Variants in TTN observed in about 807,000 individuals in gnomAD.
TTN encodes titin, also known as connectin.
In TTN, 1,525 loss-of-function variants were observed where a neutral mutation model predicts 3,223.0. The ratio of observed to expected loss-of-function variants is 0.47; its 90% CI spans 0.45 to 0.49. The LOEUF is 0.49. TTN is among the 20% of genes least tolerant of loss of function. TTN has a pLI of 0.00. For synonymous variants in TTN, 14,094 were observed against 15,161.0 expected (o/e 0.93, Z 5.17); for missense variants, 40,786 against 43,424.0 (o/e 0.94, Z 5.40).
chr2:178,591,631 G>C lies in TTN; in HGVS notation c.60188C>G (p.Thr20063Arg), dbSNP rs1560220. ...TTCTTGACATTCTATCGGGATAGTTGTGTCAGGGAGACCAAGACCCACAAT... is the reference window on the plus strand; with the variant it reads ...TTCTTGACATTCTATCGGGATAGTTCTGTCAGGGAGACCAAGACCCACAAT... ...ENIVGLGLPD[T>R]TIPIECQEKL... The change falls in exon 303 of 363, where the codon ACA becomes AGA. Residue 20063 changes from threonine (T) to arginine (R), a missense_variant. Thr to Arg is a moderately conservative substitution (Grantham distance 71). Transcript: ENST00000589042. The C allele has an allele frequency of 3.1e-6, 5 of 1,613,386 alleles. No homozygotes were observed. The Admixed American group carries it at 8.3e-5, about 27-fold the overall frequency.
In TTN at chr2:178,556,844, T is replaced by C; in HGVS notation, c.88306+4A>G. On this transcript the variant is annotated splice_donor_region_variant and intron_variant, in intron 330 of 362. Coordinates refer to ENST00000589042, the MANE Select transcript of TTN (RefSeq NM_001267550.2). Reference sequence around the variant, plus strand: ...TTTTGATTCAAAGTGCTAAGCATGCTTACCATAAGAATCGATGCAAGTAAT... The same window carrying C: ...TTTTGATTCAAAGTGCTAAGCATGCCTACCATAAGAATCGATGCAAGTAAT... 6.2e-7 allele frequency: 1 copy of C among 1,613,108 alleles called. No homozygotes were observed. The highest frequency in any genetic ancestry group is 8.5e-7 in the Non-Finnish European group (1 of 1,179,750).
At chr2:178,748,804 T>G (rs2084463081) in intron 47 of TTN, 1 of 1,611,912 alleles carries the variant, frequency 6.2e-7, no homozygotes, top group Admixed American at 1.7e-5. Flanking sequence ...AAAGCAGCTT[T>G]AAATTTATTG....
chr2:178,626,875 G>A (rs2059131822), intron 240 of TTN, among the ~76,000 whole-genome samples: 1 of 151,710 alleles, frequency 6.6e-6, no homozygotes, highest in African/African-American at 2.4e-5. Context: ...TATCATCTGA[G>A]TTCCTCTGTA....
Position 178,584,956 on chromosome 2 carries a change from G to C in TTN, c.64685C>G (p.Pro21562Arg), listed in dbSNP as rs1213776805. The C allele has an allele frequency of 6.2e-7, 1 of 1,612,994 alleles. No individual in the cohort carries two copies. Among genetic ancestry groups the C allele is most frequent in the African/African-American group, 1.3e-5 (1 of 74,864 alleles). The stretch of plus-strand genomic sequence containing the variant: ...AGAAATGTCAAATGGAGGCTGAGGG[G>C]GGCCGGGGGCATCTACATGAACCAA... ...IKVVVMDAPG[P>R]PQPPFDISDI... Residue 21562 changes from proline to arginine, a missense_variant, in exon 310 of 363, where the codon CCC becomes CGC. Physicochemically the swap from Pro to Arg is moderately radical, Grantham distance 103. Coordinates refer to ENST00000589042, the MANE Select transcript of TTN (RefSeq NM_001267550.2).
At chr2:178,695,557 G>C in intron 114 of TTN, 147 bp from the exon 115 acceptor site, 1 of 651,254 alleles carries the variant, frequency 1.5e-6, no homozygotes, top group Non-Finnish European at 2.6e-6. Flanking sequence ...AATTCTTAGT[G>C]CTAGGATTTG....
rs1452556096 is a variant in TTN at position 178,730,579 on chromosome 2, T to A, written c.17954A>T (p.Asp5985Val). Residue 5985 changes from aspartate to valine, a missense_variant, in exon 61 of 363, where the codon GAC (aspartate) becomes GTC (valine). Asp to Val is a radical substitution (Grantham distance 152). Transcript: ENST00000589042. ...FLEISQLEGTDSGTYTCSATN... is the reference protein window; with the variant it reads ...FLEISQLEGTVSGTYTCSATN... The stretch of plus-strand genomic sequence containing the variant: ...GGCAGAACAAGTGTATGTCCCACTG[T>A]CTGTACCTTCCAGCTGGCTGATTTC... The A allele has an allele frequency of 1.2e-6, 2 of 1,613,700 alleles. No individual in the cohort carries two copies. The highest frequency in any genetic ancestry group is 1.7e-6 in the Non-Finnish European group (2 of 1,179,676).
Position 178,615,677 on chromosome 2 carries a change from A to C in TTN, c.48424T>G (p.Tyr16142Asp). The change falls in exon 258 of 363, where the codon TAT (tyrosine) becomes GAT (aspartate). Residue 16142 changes from tyrosine (Y) to aspartate (D), a missense_variant. Physicochemically the swap from Tyr to Asp is radical, Grantham distance 160 (BLOSUM62 -3). Transcript: ENST00000589042. ...RNKCGPGEPAYVDEPVNMSTP... is the reference protein window; with the variant it reads ...RNKCGPGEPADVDEPVNMSTP... ...GACATATTTACAGGTTCATCAACAT[A>C]TGCAGGTTCTCCAGGGCCACATTTG... is the stretch of plus-strand genomic sequence containing the variant. The C allele has an allele frequency of 6.2e-7, 1 of 1,612,558 alleles. No homozygotes were observed. The highest frequency in any genetic ancestry group is 8.5e-7 in the Non-Finnish European group (1 of 1,178,948).
chr2:178,592,766 T>G lies in TTN; in HGVS notation c.59344+9A>C, dbSNP rs1333903567. The G allele has an allele frequency of 6.2e-7, 1 of 1,613,126 alleles. No homozygotes were observed. Among genetic ancestry groups the G allele is most frequent in the Non-Finnish European group, 8.5e-7 (1 of 1,179,546 alleles). Reference sequence around the variant, plus strand: ...TCCTTGCAAACACAAGTGAGAGCATTTTACTCACCAAGCCTGTCTTTTACT... The same window carrying G: ...TCCTTGCAAACACAAGTGAGAGCATGTTACTCACCAAGCCTGTCTTTTACT... On this transcript the variant is annotated intron_variant, in intron 300 of 362. Coordinates refer to ENST00000589042, the MANE Select transcript of TTN (RefSeq NM_001267550.2).
At chr2:178,654,183 TTAG>T (rs2063634160) in intron 193 of TTN, 22 bp downstream of exon 193, 1 of 1,586,104 alleles carries the variant, frequency 6.3e-7, no homozygotes, top group Non-Finnish European at 8.5e-7. Flanking sequence ...TAAGTTATTC[TTAG>T]CAGAGGAGAG....
At position 178,719,234 on chromosome 2, in the gene TTN, T is replaced by A. The variant is rs749823104; in HGVS notation, c.24156A>T (p.Thr8052=). The part of the protein sequence containing the change: ...LNLSLLEPSD[T]GIYTCVAANV... ...TGGCAGCCACACACGTGTATATGCC[T>A]GTGTCGGAGGGCTCCAACAAGCTCA... Residue 8052 remains threonine, a synonymous_variant, in exon 83 of 363, where the codon ACA becomes ACT. Transcript: ENST00000589042. 2 of 1,613,626 alleles carry A rather than the reference T, an allele frequency of 1.2e-6. No homozygotes were observed. The highest frequency in any genetic ancestry group is 1.7e-6 in the Non-Finnish European group (2 of 1,179,740).
Position 178,733,128 on chromosome 2 carries a change from G to A in TTN, c.16055-7C>T. 5 of 1,578,696 alleles carry A rather than the reference G, an allele frequency of 3.2e-6. No individual in the cohort carries two copies. The highest frequency in any genetic ancestry group is 4.3e-6 in the Non-Finnish European group (5 of 1,161,012). ...AATGGAGCAATGTCTCGATCTGTGT[G>A]TTGCACAAGAAGGGAGAAAAGGTCA... On this transcript the variant is annotated splice_region_variant and splice_polypyrimidine_tract_variant and intron_variant, in intron 54 of 362. Coordinates refer to ENST00000589042, the MANE Select transcript of TTN (RefSeq NM_001267550.2).
chr2:178,617,359 C>T lies in TTN; in HGVS notation c.47726G>A (p.Cys15909Tyr). ...CAGTTCAGGGACAAGTTTCATATTG[C>T]AACGAATCCAATTATCTTTTCCTTC... ...CEEGKDNWIR[C>Y]NMKLVPELTY... is the part of the protein sequence containing the mutation. Residue 15909 changes from cysteine (C) to tyrosine (Y), a missense_variant, in exon 254 of 363, where the codon TGC (cysteine) becomes TAC (tyrosine). Physicochemically the swap from Cys to Tyr is radical, Grantham distance 194. Transcript: ENST00000589042. 6.3e-7 allele frequency: 1 copy of T among 1,582,438 alleles called. No individual in the cohort carries two copies. The highest frequency in any genetic ancestry group is 8.6e-7 in the Non-Finnish European group (1 of 1,168,036).
At position 178,725,351 on chromosome 2, in the gene TTN, T is replaced by C. The variant is rs537698541; in HGVS notation, c.20836+17A>G. ...CAGCATTTGGCACCAGTTTCTATCGTGGGCTATTGTACCAACCTAAGACCA... is the reference window on the plus strand; with the variant it reads ...CAGCATTTGGCACCAGTTTCTATCGCGGGCTATTGTACCAACCTAAGACCA... On this transcript the variant is annotated intron_variant, in intron 71 of 362. Transcript: ENST00000589042. The C allele has an allele frequency of 6.1e-6, 9 of 1,463,952 alleles. No individual in the cohort carries two copies. In the East Asian group the frequency reaches 2.2e-4, roughly 35 times the overall value. The allele number at this position is 1,463,952 out of a possible 1,614,324, so 90.7% of individuals were successfully genotyped here.
intron 48 of TTN, 22 bp from the exon 49 acceptor site, chr2:178,738,382 AT>A: frequency 6.3e-7 from 1 of 1,593,788 alleles, no homozygotes. Flanking sequence ...AGTAGAGTCC[AT>A]TAACATGCCT....
At position 178,557,959 on chromosome 2, in the gene TTN, A is replaced by G; in HGVS notation, c.87395T>C (p.Ile29132Thr). ...SSGTTKAFIN[I>T]VVLDRPGPPT... The stretch of plus-strand genomic sequence containing the variant: ...AGGACCAGGCCTGTCTAGCACAACA[A>G]TGTTAATGAAAGCTTTGGTTGTACC... Residue 29132 changes from isoleucine to threonine, a missense_variant, in exon 328 of 363, where the codon ATT becomes ACT. Ile to Thr is a moderately conservative substitution (Grantham distance 89, BLOSUM62 -1). Transcript: ENST00000589042. 1.2e-6 allele frequency: 2 copies of G among 1,613,340 alleles called. No individual in the cohort carries two copies. The highest frequency in any genetic ancestry group is 1.7e-6 in the Non-Finnish European group (2 of 1,179,852).
rs753119746 is a variant in TTN at position 178,548,522 on chromosome 2, A to ATAC, written c.93103_93104insGTA (p.Leu31035delinsCysMet). On this transcript the variant is annotated protein_altering_variant, in exon 339 of 363. Transcript: ENST00000589042. The surrounding 1 kb of genome is among the most constrained non-coding windows in gnomAD (Gnocchi z 4.3). ...GTCAAGAAGAGGGGCATCCCACATC[A>ATAC]ATGTAGCAGATCCCCGGGTCACATC... 2 of 1,613,826 alleles carry ATAC rather than the reference A, an allele frequency of 1.2e-6. No homozygotes were observed. The highest frequency in any genetic ancestry group is 2.2e-5 in the South Asian group (2 of 91,072).
intron 2 of TTN, among the ~76,000 whole-genome samples, chr2:178,803,993 G>A (rs1173777698): frequency 6.6e-6 from 1 of 152,058 alleles, no homozygotes; most frequent in East Asian, 1.9e-4. Flanking sequence ...ATTTCAAAAC[G>A]ATTGGAAAGT....
chr2:178,566,209 C>T lies in TTN; in HGVS notation c.79923G>A (p.Lys26641=), dbSNP rs745463486. Residue 26641 remains lysine, a synonymous_variant, in exon 326 of 363, where the codon AAG becomes AAA. Transcript: ENST00000589042. ...TTGATAGTTGGGTATAGTTTACTCC[C>T]TTTTCAATTTGGACCTTATCTGTGA... The part of the protein sequence containing the change: ...GEFTDKVQIE[K]GVNYTQLSID... The T allele has an allele frequency of 1.2e-6, 2 of 1,613,688 alleles. No individual in the cohort carries two copies. The highest frequency in any genetic ancestry group is 1.7e-6 in the Non-Finnish European group (2 of 1,179,706).
Position 178,574,255 on chromosome 2 carries a change from A to G in TTN, c.71877T>C (p.Tyr23959=), listed in dbSNP as rs2154171426. The change falls in exon 326 of 363, where the codon TAT becomes TAC. Residue 23959 remains tyrosine, a synonymous_variant. Coordinates refer to ENST00000589042, the MANE Select transcript of TTN (RefSeq NM_001267550.2). ...EYTGGFKITS[Y]IVEKRDLPNG... is the part of the protein sequence containing the mutation. ...TAGGAAGGTCTCTCTTTTCAACGAT[A>G]TAACTGGTAATTTTAAAGCCCCCAG... 1.2e-6 allele frequency: 2 copies of G among 1,612,962 alleles called. No homozygotes were observed. Among genetic ancestry groups the G allele is most frequent in the Non-Finnish European group, 1.7e-6 (2 of 1,179,196 alleles).
Sources: gnomAD v4.1 joint callset for allele counts (sites outside exome capture counted in the v4.1 genomes callset) on GRCh38, gnomAD v4.1.1 for gene constraint, Gnocchi (gnomAD v3.1) non-coding constraint, MANE v1.5 for transcripts, NCBI Gene and HGNC (gene_info 2026-07-23, HGNC 2026-07-21) for gene names.